Variants in KCNJ16 observed in about 807,000 individuals in gnomAD.
KCNJ16 encodes inward rectifier potassium channel 16.
A neutral mutation model predicts 18.5 loss-of-function variants in KCNJ16; 15 were observed. The ratio of observed to expected loss-of-function variants is 0.81; its 90% CI spans 0.54 to 1.25. The LOEUF (loss-of-function observed/expected upper bound fraction) is 1.25. Among genes scored for constraint, KCNJ16 ranks in the 50% most tolerant of loss-of-function variants. KCNJ16 has a pLI of 0.00. For missense variants in KCNJ16, 523 were observed against 525.7 expected, an observed-to-expected ratio of 0.99 and a Z score of 0.05; for synonymous variants, 174 against 186.5, an observed-to-expected ratio of 0.93 and a Z score of 0.55.
At chr17:70,131,204 AAAAAAG>A in intron 3 of KCNJ16, 7 of 755,004 alleles carry the variant, frequency 9.3e-6, no homozygotes, top group Non-Finnish European at 1.3e-5. Context: ...CAAAAAAAAA[AAAAAAG>A]AAAGAAAGAA....
chr17:70,109,192 T>C (rs2073077038), intron 2 of KCNJ16, among the ~76,000 whole-genome samples: 1 of 152,194 alleles, frequency 6.6e-6, no homozygotes. Context: ...AAATTTCTCA[T>C]GGCTTTTTTT....
chr17:70,128,485 G>A (rs933534662), intron 2 of KCNJ16, among the ~76,000 whole-genome samples: 1 of 152,018 alleles, frequency 6.6e-6, no homozygotes, highest in Non-Finnish European at 1.5e-5. Flanking sequence ...AGTGTCTGTG[G>A]GTATTTAATA....
intron 1 of KCNJ16, among the ~76,000 whole-genome samples, chr17:70,094,802 G>A (rs145739265): frequency 6.6e-6 from 1 of 152,214 alleles, no homozygotes; most frequent in Non-Finnish European, 1.5e-5. Context: ...CCAAGAACAT[G>A]ACACATCTTA....
chr17:70,086,001 C>A (rs1424153964), intron 1 of KCNJ16, among the ~76,000 whole-genome samples: 1 of 152,114 alleles, frequency 6.6e-6, no homozygotes, highest in Non-Finnish European at 1.5e-5. Flanking sequence ...AAGTTTGCTG[C>A]CTTTTATACC....
intron 1 of KCNJ16, among the ~76,000 whole-genome samples, chr17:70,092,290 C>G (rs779418486): frequency 5.9e-5 from 9 of 151,978 alleles, no homozygotes; most frequent in Admixed American, 1.3e-4. Flanking sequence ...TCTGTAGATA[C>G]CATGTGAAGT....
intron 1 of KCNJ16, among the ~76,000 whole-genome samples, chr17:70,091,899 T>A (rs1179136290): frequency 1.3e-5 from 2 of 152,126 alleles, no homozygotes; most frequent in Non-Finnish European, 2.9e-5. Context: ...TAACATTCCA[T>A]GTCCTGTGAC....
intron 2 of KCNJ16, among the ~76,000 whole-genome samples, chr17:70,122,608 C>T (rs569721520): frequency 2.9e-4 from 44 of 152,180 alleles, no homozygotes; most frequent in Non-Finnish European, 5.9e-4. Flanking sequence ...AACAGTTTGG[C>T]TTATAGCATC....
At chr17:70,098,301 A>G (rs1168684222) in intron 1 of KCNJ16, among the ~76,000 whole-genome samples, 1 of 152,226 alleles carries the variant, frequency 6.6e-6, no homozygotes, top group Non-Finnish European at 1.5e-5. Context: ...AAAAGCAAAC[A>G]TATTCGTGCT....
intron 1 of KCNJ16, among the ~76,000 whole-genome samples, chr17:70,081,406 T>C (rs531125121): frequency 6.6e-6 from 1 of 152,208 alleles, no homozygotes; most frequent in East Asian, 1.9e-4. Flanking sequence ...GATTAGGCCA[T>C]TTGCACTTAG....
rs977453964 is a variant in KCNJ16 at position 70,134,187 on chromosome 17, T to C, written c.*843T>C. 2.4e-5 allele frequency: 4 copies of C among 166,152 alleles called. No homozygotes were observed. Among genetic ancestry groups the C allele is most frequent in the Non-Finnish European group, 4.4e-5 (3 of 67,970 alleles). The allele number at this position is 166,152 out of a possible 1,614,324, so 10.3% of individuals were successfully genotyped here. A position where few individuals can be genotyped will look rare whatever the true frequency, so the allele number is the denominator to read the frequency against. On this transcript the variant is annotated 3_prime_UTR_variant, in exon 4 of 4. Coordinates refer to ENST00000392671, the MANE Select transcript of KCNJ16 (RefSeq NM_170741.4). ...AAGGGACAGGATCATACAGATGAGGTGAGGGGATGGTTAGCAGCGATAAAC... is the reference window on the plus strand; with the variant it reads ...AAGGGACAGGATCATACAGATGAGGCGAGGGGATGGTTAGCAGCGATAAAC...
intron 3 of KCNJ16, chr17:70,131,214 GAAAGA>G (rs2074047194): frequency 1.6e-6 from 1 of 606,716 alleles, no homozygotes; most frequent in Non-Finnish European, 2.4e-6. Context: ...AAAAAAGAAA[GAAAGA>G]AAAGAAAAAA....
intron 2 of KCNJ16, among the ~76,000 whole-genome samples, chr17:70,118,751 C>T (rs564346069): frequency 6.6e-6 from 1 of 152,294 alleles, no homozygotes; most frequent in East Asian, 1.9e-4. Context: ...CCCCCTCCAG[C>T]ACTGGGGAAT....
At chr17:70,109,246 C>A (rs1184807588) in intron 2 of KCNJ16, among the ~76,000 whole-genome samples, 1 of 152,076 alleles carries the variant, frequency 6.6e-6, no homozygotes, top group African/African-American at 2.4e-5. Context: ...ATATCCCAAA[C>A]TAGTTAAGAT....
intron 1 of KCNJ16, among the ~76,000 whole-genome samples, chr17:70,076,145 G>C (rs8080091): frequency 0.85 from 130,119 of 152,192 alleles, 55,735 homozygotes; most frequent in East Asian, 0.99. Flanking sequence ...CTATAAGCCA[G>C]ATGAATTTTG....
chr17:70,087,471 G>A (rs576768677), intron 1 of KCNJ16, among the ~76,000 whole-genome samples: 2 of 152,194 alleles, frequency 1.3e-5, no homozygotes, highest in South Asian at 4.1e-4. Context: ...GGAGGCCAAG[G>A]TGGGCGGATC....
At chr17:70,082,535 G>A (rs2071600126) in intron 1 of KCNJ16, among the ~76,000 whole-genome samples, 1 of 152,156 alleles carries the variant, frequency 6.6e-6, no homozygotes, top group Non-Finnish European at 1.5e-5. Flanking sequence ...GCTAATTAGT[G>A]TTTTCCTACT....
chr17:70,088,182 C>T (rs2071923330), intron 1 of KCNJ16, among the ~76,000 whole-genome samples: 1 of 152,154 alleles, frequency 6.6e-6, no homozygotes, highest in African/African-American at 2.4e-5. Context: ...ACCCTTTTGG[C>T]ACCAGATACT....
intron 2 of KCNJ16, chr17:70,101,908 A>C (rs2072643738): frequency 6.6e-6 from 1 of 152,208 alleles, no homozygotes; most frequent in South Asian, 2.1e-4. Context: ...CGTTTACTGA[A>C]AAGTATTATC....
chr17:70,131,223 G>GAA, intron 3 of KCNJ16: 11 of 564,438 alleles, frequency 1.9e-5, no homozygotes, highest in Admixed American at 4.3e-5. Context: ...AGAAAGAAAA[G>GAA]AAAAAAAAAA....
Sources: allele counts gnomAD v4.1 joint callset (sites outside exome capture counted in the v4.1 genomes callset), GRCh38; gene constraint gnomAD v4.1.1; transcripts MANE v1.5; gene names NCBI Gene and HGNC (gene_info 2026-07-23, HGNC 2026-07-21).